CEL: variants seen among roughly 807,000 people sequenced by gnomAD.
CEL encodes carboxyl ester lipase.
In CEL, 39 loss-of-function variants were observed where a neutral mutation model predicts 57.1. That is an observed-to-expected ratio of 0.68 (90% CI 0.53 to 0.89). The LOEUF is 0.89. CEL is among the 40% of genes least tolerant of loss of function. The probability of loss-of-function intolerance (pLI) is 0.00; values close to 1 mark genes in which losing one functional copy is unlikely to be tolerated. For synonymous variants in CEL, 314 were observed against 396.6 expected, an observed-to-expected ratio of 0.79 and a Z score of 2.48; for missense variants, 698 against 915.0, an observed-to-expected ratio of 0.76 and a Z score of 3.06.
chr9:133,065,036 TCA>T lies in CEL; in HGVS notation c.341-3_341-2del. 2 of 1,612,226 alleles carry T rather than the reference TCA, an allele frequency of 1.2e-6. No homozygotes were observed. The highest frequency in any genetic ancestry group is 1.7e-6 in the Non-Finnish European group (2 of 1,179,858). ...TGGGGTCACCAGCCGCTCCCCCATC[TCA>T]GTCTCCCGGGACCTGCCCGTTATGA... On this transcript the variant is annotated splice_acceptor_variant and splice_polypyrimidine_tract_variant and intron_variant, in intron 3 of 10. Coordinates refer to ENST00000372080, the MANE Select transcript of CEL (RefSeq NM_001807.6). LOFTEE classifies it high-confidence loss of function.
At chr9:133,064,362 G>A (rs1408795258) in intron 1 of CEL, 42 bp from the exon 2 acceptor site, 1 of 1,611,114 alleles carries the variant, frequency 6.2e-7, no homozygotes, top group Admixed American at 1.7e-5. Flanking sequence ...TCAGGCCGAT[G>A]GGGCTTGAGC....
intron 1 of CEL, among the ~76,000 whole-genome samples, chr9:133,063,462 G>A (rs528495976): frequency 6.6e-6 from 1 of 152,292 alleles, no homozygotes; most frequent in African/African-American, 2.4e-5. Flanking sequence ...GACTTCAGAG[G>A]GCTGCTGGGA....
intron 1 of CEL, among the ~76,000 whole-genome samples, chr9:133,062,522 A>T (rs1156492422): frequency 7.1e-6 from 1 of 140,000 alleles, no homozygotes; most frequent in African/African-American, 2.9e-5. Context: ...TGAAGCTGGG[A>T]GGTGGAGATT....
Position 133,066,923 on chromosome 9 carries a change from A to T in CEL, c.755A>T (p.Asn252Ile). 7.7e-7 allele frequency: 1 copy of T among 1,292,312 alleles called. No individual in the cohort carries two copies. The highest frequency in any genetic ancestry group is 1.2e-5 in the South Asian group (1 of 84,022). The allele number at this position is 1,292,312 out of a possible 1,614,324, so 80.1% of individuals were successfully genotyped here. Residue 252 changes from asparagine to isoleucine, a missense_variant, in exon 6 of 11, where the codon AAC becomes ATC. Around this residue, in one of 6 missense-constraint regions of CEL, gnomAD observed 327 missense variants for 374.1 expected, o/e 0.87. Coordinates refer to ENST00000372080, the MANE Select transcript of CEL (RefSeq NM_001807.6). The surrounding 1 kb of genome is among the most constrained non-coding windows in gnomAD (Gnocchi z 4.3). Reference sequence around the variant, plus strand: ...CTGAGTCCCTGGGTCATCCAGAAAAACCCACTCTTCTGGGCCAAAAAGGTA... The same window carrying T: ...CTGAGTCCCTGGGTCATCCAGAAAATCCCACTCTTCTGGGCCAAAAAGGTA... ...VALSPWVIQK[N>I]PLFWAKKVAE...
At position 133,071,183 on chromosome 9, in the gene CEL, C is replaced by T. The variant is rs773753520; in HGVS notation, c.1681C>T (p.Pro561Ser). Residue 561 changes from proline to serine, a missense_variant, in exon 11 of 11, where the codon CCC becomes TCC. Pro to Ser is a moderately conservative substitution (Grantham distance 74, BLOSUM62 -1). This residue lies in a region of CEL where 238 missense variants were observed against 213.7 expected (regional missense o/e 1.11). Transcript: ENST00000372080. ...TVTDQEATPV[P>S]PTGDSEATPV... ...GACCGACCAGGAGGCCACCCCTGTG[C>T]CCCCCACAGGGGACTCCGAGGCCAC... 4 of 1,604,574 alleles carry T rather than the reference C, an allele frequency of 2.5e-6. No individual in the cohort carries two copies. Among genetic ancestry groups the T allele is most frequent in the South Asian group, 1.1e-5 (1 of 90,916 alleles).
chr9:133,063,297 C>T (rs930254113), intron 1 of CEL, among the ~76,000 whole-genome samples: 20 of 152,200 alleles, frequency 1.3e-4, no homozygotes, highest in African/African-American at 4.8e-4. Flanking sequence ...TCTGGCCAGT[C>T]TCAATTGCAC....
rs776619050 is a variant in CEL at position 133,064,719 on chromosome 9, C to T, written c.297C>T (p.Asp99=). The change falls in exon 3 of 11, where the codon GAC becomes GAT. Residue 99 remains aspartate (D), a synonymous_variant. Transcript: ENST00000372080. The part of the protein sequence containing the change: ...ITQDSTYGDE[D]CLYLNIWVPQ... ...AGGACAGCACCTACGGGGATGAAGA[C>T]TGCCTGTACCTCAACATTTGGGTGC... 1.5e-5 allele frequency: 24 copies of T among 1,614,002 alleles called. No homozygotes were observed. Among genetic ancestry groups the T allele is most frequent in the Non-Finnish European group, 1.9e-5 (22 of 1,180,028 alleles).
Position 133,066,464 on chromosome 9 carries a change from C to G in CEL, c.539-66C>G. The G allele has an allele frequency of 5.6e-6, 9 of 1,603,904 alleles. No homozygotes were observed. The Admixed American group carries it at 1.5e-4, about 27-fold the overall frequency. The stretch of plus-strand genomic sequence containing the variant: ...GCATTTCCACCCCACCTATGCTGAT[C>G]TCCCCTCCTGGAGGCCAGGCCTGGG... On this transcript the variant is annotated intron_variant, in intron 4 of 10. Coordinates refer to ENST00000372080, the MANE Select transcript of CEL (RefSeq NM_001807.6). This position sits in a 1 kb window ranked among gnomAD's most constrained non-coding sequence, Gnocchi z 4.3.
intron 3 of CEL, 38 bp from the exon 4 acceptor site, chr9:133,065,002 C>T (rs1238867368): frequency 1.9e-5 from 29 of 1,538,288 alleles, no homozygotes; most frequent in African/African-American, 4.1e-5. Flanking sequence ...CAGGGCCAGG[C>T]GGGGCGTCTG....
chr9:133,067,124 G>A lies in CEL; in HGVS notation c.814G>A (p.Ala272Thr), dbSNP rs540843348. 1.5e-5 allele frequency: 25 copies of A among 1,613,982 alleles called. No homozygotes were observed. Among genetic ancestry groups the A allele is most frequent in the South Asian group, 6.6e-5 (6 of 91,082 alleles). The change falls in exon 7 of 11, where the codon GCC becomes ACC. Residue 272 changes from alanine (A) to threonine (T), a missense_variant. Physicochemically the swap from Ala to Thr is moderately conservative, Grantham distance 58. This residue lies in a region of CEL where 327 missense variants were observed against 374.1 expected (regional missense o/e 0.87). Transcript: ENST00000372080. ...EKVGCPVGDA[A>T]RMAQCLKVTD... The stretch of plus-strand genomic sequence containing the variant: ...GGTGGGTTGCCCTGTGGGTGATGCC[G>A]CCAGGATGGCCCAGTGTCTGAAGGT...
In CEL at chr9:133,066,058, C is replaced by G. The variant is rs892279170; in HGVS notation, c.539-472C>G. 7.2e-5 allele frequency among the ~76,000 whole-genome samples: 11 copies of G among 152,120 alleles called. No individual in the cohort carries two copies. The highest frequency in any genetic ancestry group is 2.7e-4 in the African/African-American group (11 of 41,402). On this transcript the variant is annotated intron_variant, in intron 4 of 10. Coordinates refer to ENST00000372080, the MANE Select transcript of CEL (RefSeq NM_001807.6). The surrounding 1 kb of genome is among the most constrained non-coding windows in gnomAD (Gnocchi z 4.3). ...TGGGACAGACAGACAGGCAGACAGG[C>G]TGAGGCTCAGAGAGAAACCAGGAGA...
chr9:133,068,301 C>G (rs1018789125), intron 7 of CEL, among the ~76,000 whole-genome samples: 1 of 152,112 alleles, frequency 6.6e-6, no homozygotes, highest in African/African-American at 2.4e-5. Flanking sequence ...TCAGTGGCTT[C>G]TAAGTTTCCT....
Position 133,071,109 on chromosome 9 carries a change from C to A in CEL, c.1607C>A (p.Thr536Asn). The A allele has an allele frequency of 6.2e-7, 1 of 1,610,646 alleles. No homozygotes were observed. Among genetic ancestry groups the A allele is most frequent in the South Asian group, 1.1e-5 (1 of 91,078 alleles). ...AGCTCCATGAAGCGGAGCCTGAGAA[C>A]CAACTTCCTGCGCTACTGGACCCTC... ...GSSSMKRSLR[T>N]NFLRYWTLTY... The change falls in exon 11 of 11, where the codon ACC becomes AAC. Residue 536 changes from threonine (T) to asparagine (N), a missense_variant. Coordinates refer to ENST00000372080, the MANE Select transcript of CEL (RefSeq NM_001807.6).
At chr9:133,067,871 C>A (rs1039009489) in intron 7 of CEL, among the ~76,000 whole-genome samples, 1 of 152,188 alleles carries the variant, frequency 6.6e-6, no homozygotes, top group Non-Finnish European at 1.5e-5. Flanking sequence ...CAAACATTTA[C>A]TGAACCGTAG....
chr9:133,067,261 A>G lies in CEL; in HGVS notation c.895+56A>G, dbSNP rs539790792. The G allele has an allele frequency of 2.0e-4, 296 of 1,484,442 alleles. 3 individuals carry two copies. In the South Asian group the frequency reaches 3.2e-3, roughly 16 times the overall value. The allele number at this position is 1,484,442 out of a possible 1,614,324, so 92.0% of individuals were successfully genotyped here. On this transcript the variant is annotated intron_variant, in intron 7 of 10. Coordinates refer to ENST00000372080, the MANE Select transcript of CEL (RefSeq NM_001807.6). ...TCTCGAGGTGGGGGTTGAGGGGGGT[A>G]CTGCCAGGGAGTACTCCGGAGGAGA... is the stretch of plus-strand genomic sequence containing the variant.
intron 1 of CEL, among the ~76,000 whole-genome samples, chr9:133,063,781 C>T (rs981636981): frequency 5.3e-5 from 8 of 150,426 alleles, no homozygotes; most frequent in South Asian, 2.1e-4. Flanking sequence ...GGAAGCGTGG[C>T]GGGGGTGGGA....
At chr9:133,063,439 G>A (rs1360640805) in intron 1 of CEL, among the ~76,000 whole-genome samples, 1 of 152,190 alleles carries the variant, frequency 6.6e-6, no homozygotes, top group African/African-American at 2.4e-5. Context: ...GTGACAGGGG[G>A]CCCATCACCC....
chr9:133,071,646 C>G lies in CEL; in HGVS notation c.2144C>G (p.Pro715Arg). ...GGTGACTCCGAGACCGCCCCCGTGC[C>G]GCCCACGGGTGACTCCGGGGCCCCC... ...PTGDSETAPV[P>R]PTGDSGAPPV... is the part of the protein sequence containing the mutation. Residue 715 changes from proline (P) to arginine (R), a missense_variant, in exon 11 of 11, where the codon CCG becomes CGG. Physicochemically the swap from Pro to Arg is moderately radical, Grantham distance 103. Transcript: ENST00000372080. 2 of 1,539,614 alleles carry G rather than the reference C, an allele frequency of 1.3e-6. No homozygotes were observed. The highest frequency in any genetic ancestry group is 1.8e-6 in the Non-Finnish European group (2 of 1,124,130).
In CEL at chr9:133,068,747, A is replaced by C. The variant is rs752265758; in HGVS notation, c.971A>C (p.Tyr324Ser). 6.2e-6 allele frequency: 10 copies of C among 1,604,240 alleles called. No individual in the cohort carries two copies. The highest frequency in any genetic ancestry group is 8.5e-6 in the Non-Finnish European group (10 of 1,175,960). Residue 324 changes from tyrosine to serine, a missense_variant, in exon 8 of 11, where the codon TAC becomes TCC. This residue lies in a region of CEL where 18 missense variants were observed against 81.4 expected (regional missense o/e 0.22). Transcript: ENST00000372080. Reference protein sequence around the residue: ...DFIPADPINLYANAADIDYIA... With the variant: ...DFIPADPINLSANAADIDYIA... ...ATCCCCGCTGACCCGATCAACCTGT[A>C]CGCCAACGCCGCCGACATCGACTAT... is the stretch of plus-strand genomic sequence containing the variant.
Sources: gnomAD v4.1 joint callset for allele counts (sites outside exome capture counted in the v4.1 genomes callset) on GRCh38, gnomAD v4.1.1 for gene constraint, gnomAD v4.1.1 regional missense constraint, Gnocchi (gnomAD v3.1) non-coding constraint, MANE v1.5 for transcripts, NCBI Gene and HGNC (gene_info 2026-07-23, HGNC 2026-07-21) for gene names.